TEX15: variants seen among roughly 807,000 people sequenced by gnomAD.
TEX15 encodes the protein testis expressed 15, meiosis and synapsis associated, also known as testis-expressed protein 15.
In TEX15, 171 loss-of-function variants were observed where a neutral mutation model predicts 237.3. The observed-to-expected ratio is 0.72, with a 90% CI of 0.64 to 0.82. The LOEUF (loss-of-function observed/expected upper bound fraction) is 0.82, where lower values mean the gene tolerates loss of function less well. TEX15 is among the 40% of genes least tolerant of loss of function. The pLI is 0.00. For missense variants in TEX15, 3,750 were observed against 3,646.5 expected, an observed-to-expected ratio of 1.03 and a Z score of -0.73; for synonymous variants, 1,338 against 1,269.8, an observed-to-expected ratio of 1.05 and a Z score of -1.14.
At chr8:30,856,359 G>T (rs1244948168) in intron 7 of TEX15, among the ~76,000 whole-genome samples, 1 of 151,356 alleles carries the variant, frequency 6.6e-6, no homozygotes, top group Non-Finnish European at 1.5e-5. Context: ...TTTGAGACCA[G>T]CCTGGGCAAC....
rs1563244921 is a variant in TEX15, at chr8:30,848,817, T to TG, written c.1349dup (p.Gly451ArgfsTer4). ...CAAATTGCAAAACCTCATTTAAGCCTGCAGTACTACTCTGTTCTCCCATAC... is the reference window on the plus strand; with the variant it reads ...CAAATTGCAAAACCTCATTTAAGCCTGGCAGTACTACTCTGTTCTCCCATAC... On this transcript the variant is annotated frameshift_variant, in exon 8 of 11. Coordinates refer to ENST00000643185, the MANE Select transcript of TEX15 (RefSeq NM_001350162.2). LOFTEE classifies it high-confidence loss of function. 1.9e-6 allele frequency: 3 copies of TG among 1,614,162 alleles called. No individual in the cohort carries two copies. The highest frequency in any genetic ancestry group is 2.2e-5 in the South Asian group (2 of 91,088).
chr8:30,858,897 T>A (rs1002660000), intron 6 of TEX15, 67 bp from the exon 7 acceptor site: 25 of 1,155,556 alleles, frequency 2.2e-5, no homozygotes, highest in African/African-American at 7.9e-5. Context: ...CTCATATTTT[T>A]AAAAAATCAA....
At chr8:30,906,401 T>C (rs377576341) in intron 1 of TEX15, among the ~76,000 whole-genome samples, 257 of 151,744 alleles carry the variant, frequency 1.7e-3, no homozygotes, top group South Asian at 2.7e-3. Context: ...TTGGCTAACA[T>C]GGTGAAACCC....
At position 30,847,387 on chromosome 8, in the gene TEX15, C is replaced by T. The variant is rs760830322; in HGVS notation, c.2780G>A (p.Arg927Lys). The change falls in exon 8 of 11, where the codon AGA becomes AAA. Residue 927 changes from arginine to lysine, a missense_variant. Physicochemically the swap from Arg to Lys is conservative, Grantham distance 26 (BLOSUM62 2). Coordinates refer to ENST00000643185, the MANE Select transcript of TEX15 (RefSeq NM_001350162.2). The part of the protein sequence containing the change: ...EFSTKFNLIC[R>K]EDNAVSAATA... ...TGCTGCTGACACTGCATTATCTTCT[C>T]TGCAAATCAAGTTAAATTTAGTAGA... The T allele has an allele frequency of 1.9e-6, 3 of 1,613,218 alleles. No individual in the cohort carries two copies. The highest frequency in any genetic ancestry group is 1.3e-5 in the African/African-American group (1 of 74,890).
intron 9 of TEX15, 114 bp downstream of exon 9, chr8:30,839,788 CCTAA>C: frequency 3.5e-6 from 2 of 574,058 alleles, no homozygotes; most frequent in Middle Eastern, 3.2e-4. Context: ...ACTCTCATCC[CCTAA>C]GTTACATGTA....
chr8:30,863,286 G>C (rs1452051189), intron 5 of TEX15, among the ~76,000 whole-genome samples: 3 of 152,084 alleles, frequency 2.0e-5, no homozygotes, highest in African/African-American at 7.2e-5. Context: ...GGGCATTTCA[G>C]ATTTCAAATT....
In TEX15 at chr8:30,847,916, C is replaced by T. The variant is rs1220844847; in HGVS notation, c.2251G>A (p.Gly751Arg). 6.2e-7 allele frequency: 1 copy of T among 1,613,810 alleles called. No homozygotes were observed. The highest frequency in any genetic ancestry group is 8.5e-7 in the Non-Finnish European group (1 of 1,179,918). Residue 751 changes from glycine (G) to arginine (R), a missense_variant, in exon 8 of 11, where the codon GGG (glycine) becomes AGG (arginine). Transcript: ENST00000643185. ...CTAGCATAATTTTGATTTATTTTCC[C>T]CAATTTCAGTTCCATTAGCTTTTGA... Reference protein sequence around the residue: ...IAQKLMELKLGKINQNYASII... With the variant: ...IAQKLMELKLRKINQNYASII...
rs1371578816 is a variant in TEX15 at position 30,890,252 on chromosome 8, G to T, written c.-9-2941C>A. Among the ~76,000 whole-genome samples, 8 of 151,908 alleles carry T rather than the reference G, an allele frequency of 5.3e-5. No homozygotes were observed. The East Asian group carries it at 1.4e-3, about 26-fold the overall frequency. On this transcript the variant is annotated intron_variant, in intron 2 of 10. Coordinates refer to ENST00000643185, the MANE Select transcript of TEX15 (RefSeq NM_001350162.2). ...TTATATAGGTTTTAAGAGAATGTAT[G>T]TTATGAACAACTTTAAGCGAATACA...
At chr8:30,900,353 C>A (rs969753027) in intron 1 of TEX15, among the ~76,000 whole-genome samples, 2 of 152,062 alleles carry the variant, frequency 1.3e-5, no homozygotes, top group South Asian at 4.1e-4. Flanking sequence ...ATTTGGGAAC[C>A]AGAAATTCTG....
chr8:30,853,686 C>T (rs1467692417), intron 7 of TEX15, among the ~76,000 whole-genome samples: 1 of 152,040 alleles, frequency 6.6e-6, no homozygotes, highest in Admixed American at 6.6e-5. Flanking sequence ...ACCAATCCTC[C>T]CTGACAGATA....
intron 1 of TEX15, among the ~76,000 whole-genome samples, chr8:30,904,478 A>C (rs1179629568): frequency 1.3e-5 from 2 of 151,810 alleles, no homozygotes; most frequent in Non-Finnish European, 2.9e-5. Flanking sequence ...CCTTATTTAA[A>C]CCCTGAAATT....
Position 30,846,776 on chromosome 8 carries a change from T to G in TEX15, c.3391A>C (p.Lys1131Gln). The G allele has an allele frequency of 6.2e-7, 1 of 1,613,830 alleles. No individual in the cohort carries two copies. The highest frequency in any genetic ancestry group is 8.5e-7 in the Non-Finnish European group (1 of 1,179,746). Residue 1131 changes from lysine (K) to glutamine (Q), a missense_variant, in exon 8 of 11, where the codon AAG becomes CAG. By Grantham distance (53) the Lys-to-Gln change is moderately conservative (BLOSUM62 1). Coordinates refer to ENST00000643185, the MANE Select transcript of TEX15 (RefSeq NM_001350162.2). ...GRENSDQHYS[K>Q]ESNYFYSSTQ... The stretch of plus-strand genomic sequence containing the variant: ...GAGGAATAAAAATAGTTACTTTCCT[T>G]AGAATAATGCTGATCACTATTCTCC...
In TEX15 at chr8:30,912,993, G is replaced by C. The variant is rs1227778828; in HGVS notation, c.-200C>G. 2.0e-5 allele frequency: 3 copies of C among 152,440 alleles called. No homozygotes were observed. Among genetic ancestry groups the C allele is most frequent in the East Asian group, 1.9e-4 (1 of 5,178 alleles). 9.4% of individuals were successfully genotyped at this position (152,440 alleles called of 1,614,324 possible). Reference sequence around the variant, plus strand: ...GGAACACAGCAGCACCCCCCAGCGAGGTGCGCACAGTGAGCAGGCAGCTCG... The same window carrying C: ...GGAACACAGCAGCACCCCCCAGCGACGTGCGCACAGTGAGCAGGCAGCTCG... On this transcript the variant is annotated 5_prime_UTR_variant, in exon 1 of 11. Coordinates refer to ENST00000643185, the MANE Select transcript of TEX15 (RefSeq NM_001350162.2).
chr8:30,860,104 A>T, intron 5 of TEX15, 47 bp from the exon 6 acceptor site: 1 of 1,354,348 alleles, frequency 7.4e-7, no homozygotes, highest in East Asian at 2.6e-5. Context: ...ATATACCAAA[A>T]CGTTTCTAAA....
chr8:30,908,917 T>C (rs908567606), intron 1 of TEX15, among the ~76,000 whole-genome samples: 2 of 152,192 alleles, frequency 1.3e-5, no homozygotes, highest in Non-Finnish European at 2.9e-5. Flanking sequence ...TAGATTACAA[T>C]GGTTCCTGCT....
chr8:30,890,254 T>A (rs1051637484), intron 2 of TEX15, among the ~76,000 whole-genome samples: 4 of 151,960 alleles, frequency 2.6e-5, no homozygotes, highest in Non-Finnish European at 4.4e-5. Context: ...GAATGTATGT[T>A]ATGAACAACT....
intron 2 of TEX15, 33 bp from the exon 3 acceptor site, chr8:30,887,344 G>A (rs908492971): frequency 1.3e-6 from 2 of 1,494,178 alleles, no homozygotes; most frequent in Non-Finnish European, 1.8e-6. Context: ...AAGCAAAAAG[G>A]TCAATAAATA....
intron 10 of TEX15, among the ~76,000 whole-genome samples, chr8:30,835,261 C>G (rs1036273927): frequency 6.6e-6 from 1 of 152,070 alleles, no homozygotes; most frequent in Non-Finnish European, 1.5e-5. Context: ...TGTACTACCA[C>G]TCCCAGCTAA....
intron 4 of TEX15, among the ~76,000 whole-genome samples, chr8:30,871,702 C>G (rs1183884827): frequency 3.3e-5 from 5 of 152,120 alleles, no homozygotes; most frequent in African/African-American, 1.2e-4. Flanking sequence ...CGCTCATTCA[C>G]ACAAAGCACT....
Sources: gnomAD v4.1 joint callset for allele counts (sites outside exome capture counted in the v4.1 genomes callset) on GRCh38, gnomAD v4.1.1 for gene constraint, MANE v1.5 for transcripts, NCBI Gene and HGNC (gene_info 2026-07-23, HGNC 2026-07-21) for gene names.